CACNB4: variants seen among roughly 807,000 people sequenced by gnomAD.
The protein encoded by CACNB4 is voltage-dependent L-type calcium channel subunit beta-4.
A neutral mutation model predicts 71.2 loss-of-function variants in CACNB4; 32 were observed. The ratio of observed to expected loss-of-function variants is 0.45; its 90% CI spans 0.34 to 0.60. CACNB4 has a LOEUF of 0.60. Ranked by LOEUF, CACNB4 falls within the 20% of genes least tolerant of loss-of-function variation. CACNB4 has a pLI of 0.01. For missense variants in CACNB4, 464 were observed against 647.9 expected (o/e 0.72, Z 3.08); for synonymous variants, 231 against 236.9 (o/e 0.97, Z 0.23).
At chr2:151,875,699 GGC>G (rs1491303609) in intron 5 of CACNB4, among the ~76,000 whole-genome samples, 2 of 101,812 alleles carry the variant, frequency 2.0e-5, no homozygotes, top group Admixed American at 1.7e-4. Flanking sequence ...CTCCCGGACG[GGC>G]GGCTGGCCGG....
At chr2:151,917,093 T>C (rs1434763511) in intron 2 of CACNB4, among the ~76,000 whole-genome samples, 1 of 152,246 alleles carries the variant, frequency 6.6e-6, no homozygotes, top group Non-Finnish European at 1.5e-5. Flanking sequence ...ACCAAACAAA[T>C]ATAGCTTTCC....
rs766994270 is a variant in CACNB4, at chr2:151,844,453, A to G, written c.1117-2365T>C. Reference sequence around the variant, plus strand: ...GAGAAGCAGAGGCACAATGGAAGAAAGAGATCATATGGCCATGAGTGCCAA... The same window carrying G: ...GAGAAGCAGAGGCACAATGGAAGAAGGAGATCATATGGCCATGAGTGCCAA... On this transcript the variant is annotated intron_variant, in intron 12 of 13. Transcript: ENST00000539935. Among the ~76,000 whole-genome samples, 6 of 152,210 alleles carry G rather than the reference A, an allele frequency of 3.9e-5. 1 individual carries two copies. Among genetic ancestry groups the G allele is most frequent in the Admixed American group, 3.9e-4 (6 of 15,280 alleles).
At chr2:152,020,880 C>A (rs572953786) in intron 2 of CACNB4, among the ~76,000 whole-genome samples, 14 of 152,320 alleles carry the variant, frequency 9.2e-5, no homozygotes, top group Middle Eastern at 3.4e-3. Context: ...TATTTAATAT[C>A]CTCCACCTGC....
At chr2:151,943,990 G>C (rs1414600465) in intron 2 of CACNB4, among the ~76,000 whole-genome samples, 7 of 151,604 alleles carry the variant, frequency 4.6e-5, no homozygotes, top group Admixed American at 4.6e-4. Context: ...GGTTTGTGTG[G>C]AACACTGATT....
At chr2:152,041,088 G>A (rs887363166) in intron 2 of CACNB4, among the ~76,000 whole-genome samples, 3 of 152,268 alleles carry the variant, frequency 2.0e-5, no homozygotes, top group East Asian at 1.9e-4. Flanking sequence ...AACACCATTA[G>A]GCCATTAGGA....
At chr2:151,842,607 A>C (rs762223259) in intron 12 of CACNB4, among the ~76,000 whole-genome samples, 24 of 152,172 alleles carry the variant, frequency 1.6e-4, no homozygotes, top group Non-Finnish European at 3.2e-4. Context: ...TGCTGGGATT[A>C]CAGGCATGAG....
At position 152,097,563 on chromosome 2, in the gene CACNB4, TGGAA is replaced by T. The variant is rs200601373; in HGVS notation, c.147+763_147+766del. Among the ~76,000 whole-genome samples the T allele has an allele frequency of 8.6e-3, 1,313 of 152,274 alleles. 24 individuals carry two copies. Among genetic ancestry groups the T allele is most frequent in the African/African-American group, 0.03 (1,254 of 41,548 alleles). On this transcript the variant is annotated intron_variant, in intron 2 of 13. Transcript: ENST00000539935. ...GTTTCATTAACAGCACATGGACAGT[TGGAA>T]AACTGAGGACCAATTTCCTGTGCCA...
At chr2:151,914,056 A>T (rs6725759) in intron 2 of CACNB4, among the ~76,000 whole-genome samples, 145,315 of 152,244 alleles carry the variant, frequency 0.95, 69,717 homozygotes, top group East Asian at 1. Context: ...CTGGATAATA[A>T]CCTGAAGTGT....
At chr2:151,893,236 T>A (rs1419169929) in intron 2 of CACNB4, among the ~76,000 whole-genome samples, 1 of 151,952 alleles carries the variant, frequency 6.6e-6, no homozygotes, top group Non-Finnish European at 1.5e-5. Context: ...AAAAAATAGA[T>A]CCCTATTTTA....
intron 2 of CACNB4, among the ~76,000 whole-genome samples, chr2:152,074,439 C>G (rs1003944436): frequency 6.0e-5 from 9 of 151,068 alleles, no homozygotes; most frequent in Non-Finnish European, 1.2e-4. Context: ...TAACCATCAC[C>G]AAGCCATCGT....
intron 2 of CACNB4, among the ~76,000 whole-genome samples, chr2:152,020,969 C>G (rs1249361003): frequency 6.6e-6 from 1 of 152,164 alleles, no homozygotes; most frequent in East Asian, 1.9e-4. Flanking sequence ...AAAAATAACT[C>G]TAGCTGGGTG....
At chr2:151,870,480 G>A (rs1342439272) in intron 8 of CACNB4, 51 bp downstream of exon 8, 2 of 1,456,418 alleles carry the variant, frequency 1.4e-6, no homozygotes, top group East Asian at 2.3e-5. Context: ...CAACATGACT[G>A]TCTCCTGGGT....
intron 2 of CACNB4, among the ~76,000 whole-genome samples, chr2:151,990,866 C>T (rs1681668406): frequency 6.6e-6 from 1 of 152,086 alleles, no homozygotes; most frequent in Non-Finnish European, 1.5e-5. Flanking sequence ...GACAGATAAG[C>T]CCATTCAAAA....
intron 2 of CACNB4, among the ~76,000 whole-genome samples, chr2:152,041,719 A>C (rs1410461343): frequency 6.6e-6 from 1 of 152,194 alleles, no homozygotes; most frequent in African/African-American, 2.4e-5. Flanking sequence ...AACTGAATTA[A>C]AAAAACGGCT....
rs1020671460 is a variant in CACNB4 at position 151,856,350 on chromosome 2, C to T, written c.869-975G>A. On this transcript the variant is annotated intron_variant, in intron 10 of 13. Coordinates refer to ENST00000539935, the MANE Select transcript of CACNB4 (RefSeq NM_000726.5). ...ACACAGTTTCACTCTGTTGCCTAGGCTGGAGTGCAGTGGCATGATCTTGGC... is the reference window on the plus strand; with the variant it reads ...ACACAGTTTCACTCTGTTGCCTAGGTTGGAGTGCAGTGGCATGATCTTGGC... Among the ~76,000 whole-genome samples, 46 of 152,206 alleles carry T rather than the reference C, an allele frequency of 3.0e-4. 1 individual carries two copies. The highest frequency in any genetic ancestry group is 1.9e-4 in the East Asian group (1 of 5,188).
chr2:151,950,991 C>T (rs552823055), intron 2 of CACNB4, among the ~76,000 whole-genome samples: 26 of 152,266 alleles, frequency 1.7e-4, no homozygotes, highest in African/African-American at 6.3e-4. Context: ...TGGCTGGAGG[C>T]TGGAGTGCAG....
At chr2:152,095,322 C>T (rs1688207195) in intron 2 of CACNB4, among the ~76,000 whole-genome samples, 1 of 152,138 alleles carries the variant, frequency 6.6e-6, no homozygotes, top group South Asian at 2.1e-4. Context: ...CATATATAGT[C>T]TCAGAAACAC....
At chr2:151,840,543 T>C (rs2099835914) in intron 13 of CACNB4, among the ~76,000 whole-genome samples, 1 of 152,200 alleles carries the variant, frequency 6.6e-6, no homozygotes, top group South Asian at 2.1e-4. Flanking sequence ...TCAATAGTAA[T>C]GTACACTCAG....
At chr2:152,060,640 C>G (rs1022784157) in intron 2 of CACNB4, among the ~76,000 whole-genome samples, 2 of 152,294 alleles carry the variant, frequency 1.3e-5, no homozygotes, top group Admixed American at 6.5e-5. Flanking sequence ...CAACTCTATA[C>G]ATTTATCATA....
Sources: allele counts gnomAD v4.1 joint callset (sites outside exome capture counted in the v4.1 genomes callset), GRCh38; gene constraint gnomAD v4.1.1; transcripts MANE v1.5; gene names NCBI Gene and HGNC (gene_info 2026-07-23, HGNC 2026-07-21).